SMAP1: variants seen among roughly 807,000 people sequenced by gnomAD.
SMAP1 encodes the protein stromal membrane-associated protein 1.
A neutral mutation model predicts 58.5 loss-of-function variants in SMAP1; 24 were observed. The ratio of observed to expected loss-of-function variants is 0.41; its 90% CI spans 0.30 to 0.58. The LOEUF is 0.58. Among genes scored for constraint, SMAP1 ranks in the 20% least tolerant of loss-of-function variants. SMAP1 has a pLI of 0.29. For synonymous variants in SMAP1, 216 were observed against 196.6 expected, an observed-to-expected ratio of 1.10 and a Z score of -0.82; for missense variants, 563 against 566.3, an observed-to-expected ratio of 0.99 and a Z score of 0.06.
At chr6:70,851,183 G>T (rs1198265530) in intron 7 of SMAP1, among the ~76,000 whole-genome samples, 1 of 152,076 alleles carries the variant, frequency 6.6e-6, no homozygotes, top group Non-Finnish European at 1.5e-5. Context: ...CCTAATTTGG[G>T]CTTTACACAC....
intron 9 of SMAP1, 23 bp from the exon 10 acceptor site, chr6:70,857,899 T>C: frequency 1.9e-6 from 3 of 1,610,088 alleles, no homozygotes; most frequent in Non-Finnish European, 2.5e-6. Context: ...TCTGTCTTCA[T>C]TCATTTTCTT....
intron 6 of SMAP1, among the ~76,000 whole-genome samples, chr6:70,799,619 G>A (rs1242450293): frequency 2.0e-5 from 3 of 152,142 alleles, no homozygotes; most frequent in African/African-American, 7.2e-5. Context: ...ATTGGATACT[G>A]CAAAGTACAT....
At chr6:70,837,751 G>A in intron 7 of SMAP1, 1 of 1,197,856 alleles carries the variant, frequency 8.3e-7, no homozygotes, top group African/African-American at 1.6e-5. Flanking sequence ...CCTTGGCACA[G>A]GAATAATTTA....
intron 10 of SMAP1, 124 bp from the exon 11 acceptor site, chr6:70,860,076 G>C (rs904686099): frequency 5.4e-6 from 6 of 1,114,674 alleles, no homozygotes; most frequent in Non-Finnish European, 7.5e-6. Flanking sequence ...ATGGTACTCT[G>C]TTTTTATTCC....
intron 6 of SMAP1, among the ~76,000 whole-genome samples, chr6:70,814,359 T>C (rs1769523542): frequency 6.6e-6 from 1 of 152,206 alleles, no homozygotes; most frequent in East Asian, 1.9e-4. Context: ...TATCACTTCA[T>C]AGTTACCTGA....
intron 1 of SMAP1, among the ~76,000 whole-genome samples, chr6:70,698,360 T>C (rs980497902): frequency 6.6e-6 from 1 of 152,196 alleles, no homozygotes; most frequent in Non-Finnish European, 1.5e-5. Flanking sequence ...AATTTGGTAA[T>C]TAAATGTCTC....
chr6:70,797,641 A>C (rs983751404), intron 5 of SMAP1, among the ~76,000 whole-genome samples: 1 of 152,092 alleles, frequency 6.6e-6, no homozygotes, highest in African/African-American at 2.4e-5. Context: ...GGGAATTGCC[A>C]ATATTATATT....
At chr6:70,813,649 T>C (rs1434851900) in intron 6 of SMAP1, among the ~76,000 whole-genome samples, 2 of 152,118 alleles carry the variant, frequency 1.3e-5, no homozygotes, top group Non-Finnish European at 2.9e-5. Context: ...GACGTATATA[T>C]TGAGCCTTAA....
chr6:70,813,923 A>ATTT (rs1378129913), intron 6 of SMAP1, among the ~76,000 whole-genome samples: 1 of 152,130 alleles, frequency 6.6e-6, no homozygotes, highest in Non-Finnish European at 1.5e-5. Context: ...GTTGAAAATC[A>ATTT]TTTTTTCTGT....
At chr6:70,792,126 C>G (rs1768389079) in intron 5 of SMAP1, among the ~76,000 whole-genome samples, 1 of 151,856 alleles carries the variant, frequency 6.6e-6, no homozygotes, top group Non-Finnish European at 1.5e-5. Context: ...AAGTTAATGT[C>G]AAGTTTCTTT....
intron 4 of SMAP1, among the ~76,000 whole-genome samples, chr6:70,784,251 C>T (rs1767900154): frequency 6.6e-6 from 1 of 151,954 alleles, no homozygotes; most frequent in Non-Finnish European, 1.5e-5. Flanking sequence ...CAAGCAAATG[C>T]TGAGAGATTT....
intron 1 of SMAP1, among the ~76,000 whole-genome samples, chr6:70,685,319 C>G (rs1487641246): frequency 2.0e-5 from 3 of 147,504 alleles, no homozygotes; most frequent in African/African-American, 7.6e-5. Flanking sequence ...TCTGCTGATT[C>G]ACTAGAGTAG....
chr6:70,703,082 C>T (rs12191175), intron 1 of SMAP1, among the ~76,000 whole-genome samples: 75,378 of 151,530 alleles, frequency 0.5, 19,066 homozygotes, highest in Non-Finnish European at 0.52. Context: ...CCTTTTTTCA[C>T]GACTTTTTTT....
chr6:70,727,625 GGTGATTTAAATT>G (rs1765238756), intron 1 of SMAP1, among the ~76,000 whole-genome samples: 1 of 152,172 alleles, frequency 6.6e-6, no homozygotes. Flanking sequence ...ATAGATAACT[GGTGATTTAAATT>G]GGATCTAGAA....
Position 70,736,248 on chromosome 6 carries a change from CTG to C in SMAP1, c.252+3739_252+3740del, listed in dbSNP as rs556540811. On this transcript the variant is annotated intron_variant, in intron 2 of 10. Transcript: ENST00000370455. ...AATAACATAGAAATAAAGTTACTCA[CTG>C]TAAAAAAGTCTTAAAAGTTCTTTTA... Among the ~76,000 whole-genome samples, 561 of 152,290 alleles carry C rather than the reference CTG, an allele frequency of 3.7e-3. 3 individuals carry two copies. The highest frequency in any genetic ancestry group is 6.8e-3 in the Middle Eastern group (2 of 294).
At chr6:70,788,699 T>C (rs1258874592) in intron 4 of SMAP1, among the ~76,000 whole-genome samples, 1 of 152,038 alleles carries the variant, frequency 6.6e-6, no homozygotes, top group Non-Finnish European at 1.5e-5. Context: ...GAAGGAGTCA[T>C]ATATGGCTGG....
rs529470518 is a variant in SMAP1 at position 70,674,753 on chromosome 6, C to G, written c.118+6612C>G. Among the ~76,000 whole-genome samples, 3 of 152,216 alleles carry G rather than the reference C, an allele frequency of 2.0e-5. No individual in the cohort carries two copies. In the South Asian group the frequency reaches 6.2e-4, roughly 32 times the overall value. On this transcript the variant is annotated intron_variant, in intron 1 of 10. Transcript: ENST00000370455. ...CTTTGGGAGGCTGAGGCAGGTGGAT[C>G]ATCTGAGGCCAGGAGTTTGAGGCCA...
chr6:70,798,268 G>GTT (rs748111672), intron 5 of SMAP1, among the ~76,000 whole-genome samples: 82 of 142,326 alleles, frequency 5.8e-4, no homozygotes, highest in African/African-American at 1.7e-3. Flanking sequence ...CTATCACTTA[G>GTT]TTTTTTTTTT....
intron 2 of SMAP1, among the ~76,000 whole-genome samples, chr6:70,740,765 A>C (rs1765781806): frequency 6.6e-6 from 1 of 152,156 alleles, no homozygotes. Flanking sequence ...GTGTGTTTTC[A>C]CACTGCTAAT....
Sources: allele counts gnomAD v4.1 joint callset (sites outside exome capture counted in the v4.1 genomes callset), GRCh38; gene constraint gnomAD v4.1.1; transcripts MANE v1.5; gene names NCBI Gene and HGNC (gene_info 2026-07-23, HGNC 2026-07-21).